SAC3D1: variants seen among roughly 807,000 people sequenced by gnomAD.
The protein encoded by SAC3D1 is SAC3 domain containing 1.
In SAC3D1, 10 loss-of-function variants were observed where a neutral mutation model predicts 12.7. The ratio of observed to expected loss-of-function variants is 0.79; its 90% CI spans 0.49 to 1.34. The LOEUF is 1.34. SAC3D1 is among the 40% of genes most tolerant of loss of function. The pLI is 0.00. For synonymous variants in SAC3D1, 241 were observed against 250.8 expected, an observed-to-expected ratio of 0.96 and a Z score of 0.37; for missense variants, 482 against 531.1, an observed-to-expected ratio of 0.91 and a Z score of 0.91.
chr11:65,043,274 C>G (rs558815891), intron 1 of SAC3D1: 1 of 187,682 alleles, frequency 5.3e-6, no homozygotes, highest in South Asian at 6.8e-5. Context: ...CCATGATTTT[C>G]TTTTCTTTTA....
Position 65,041,665 on chromosome 11 carries a change from G to T in SAC3D1, c.373G>T (p.Val125Leu), listed in dbSNP as rs1946605222. 1.4e-6 allele frequency: 2 copies of T among 1,414,322 alleles called. No individual in the cohort carries two copies. Among genetic ancestry groups the T allele is most frequent in the African/African-American group, 3.0e-5 (2 of 66,900 alleles). The allele number at this position is 1,414,322 out of a possible 1,614,324, so 87.6% of individuals were successfully genotyped here. Residue 125 changes from valine (V) to leucine (L), a missense_variant, in exon 1 of 2, where the codon GTG (valine) becomes TTG (leucine). Val to Leu is a conservative substitution (Grantham distance 32). Coordinates refer to ENST00000652489, the MANE Select transcript of SAC3D1 (RefSeq NM_013299.4). ...QGAGDAEAAV[V>L]LEAALATLLT... ...AGCGGGCGACGCCGAGGCAGCTGTG[G>T]TGCTGGAGGCGGCGCTGGCCACGCT...
At chr11:65,042,009 T>C in intron 1 of SAC3D1, 143 bp downstream of exon 1, 3 of 1,145,820 alleles carry the variant, frequency 2.6e-6, no homozygotes, top group Non-Finnish European at 3.3e-6. Flanking sequence ...AGCCCCGACG[T>C]GGGACCTCGG....
rs1294466082 is a variant in SAC3D1 at position 65,041,346 on chromosome 11, C to T, written c.54C>T (p.Ala18=). Residue 18 remains alanine (A), a synonymous_variant, in exon 1 of 2, where the codon GCC becomes GCT. Coordinates refer to ENST00000652489, the MANE Select transcript of SAC3D1 (RefSeq NM_013299.4). ...VGTCPDMCPA[A]ERAQREREHR... The stretch of plus-strand genomic sequence containing the variant: ...CCTGCCCGGACATGTGCCCGGCCGC[C>T]GAGCGCGCCCAGCGCGAAAGGGAGC... 1 of 1,509,518 alleles carries T rather than the reference C, an allele frequency of 6.6e-7. No homozygotes were observed. Among genetic ancestry groups the T allele is most frequent in the Admixed American group, 2.0e-5 (1 of 48,882 alleles). 93.5% of individuals were successfully genotyped at this position (1,509,518 alleles called of 1,614,324 possible). A position where few individuals can be genotyped will look rare whatever the true frequency, so the allele number is the denominator to read the frequency against.
Position 65,044,161 on chromosome 11 carries a change from GA to G in SAC3D1, c.575-63del, listed in dbSNP as rs1946665569. 1 of 1,556,236 alleles carries G rather than the reference GA, an allele frequency of 6.4e-7. No homozygotes were observed. Among genetic ancestry groups the G allele is most frequent in the African/African-American group, 1.4e-5 (1 of 73,692 alleles). On this transcript the variant is annotated intron_variant, in intron 1 of 1. Coordinates refer to ENST00000652489, the MANE Select transcript of SAC3D1 (RefSeq NM_013299.4). The surrounding 1 kb of genome is among the most constrained non-coding windows in gnomAD (Gnocchi z 4.0). ...GGAGAGAGGAAGGACAGGGTGTTGG[GA>G]GGGGAGATGAGCCTGATCCTGTAAG...
Position 65,044,314 on chromosome 11 carries a change from G to A in SAC3D1, c.664G>A (p.Ala222Thr). The change falls in exon 2 of 2, where the codon GCC becomes ACC. Residue 222 changes from alanine to threonine, a missense_variant. Transcript: ENST00000652489. The surrounding 1 kb of genome is among the most constrained non-coding windows in gnomAD (Gnocchi z 4.0). ...PLRKALAVDA[A>T]FREGNAARLF... ...CCGCAAGGCCTTGGCGGTAGATGCT[G>A]CCTTCCGAGAGGGCAATGCTGCCCG... is the stretch of plus-strand genomic sequence containing the variant. The A allele has an allele frequency of 6.2e-7, 1 of 1,613,338 alleles. No homozygotes were observed. The highest frequency in any genetic ancestry group is 8.5e-7 in the Non-Finnish European group (1 of 1,180,018).
rs964789896 is a variant in SAC3D1 at position 65,041,262 on chromosome 11, T to C, written c.-31T>C. ...CGCAGCACTGCCGTCCCCGGGATGC[T>C]GAGCGCCCACCGTCTCCCCGCAGCC... On this transcript the variant is annotated 5_prime_UTR_variant, in exon 1 of 2. Coordinates refer to ENST00000652489, the MANE Select transcript of SAC3D1 (RefSeq NM_013299.4). 3.4e-5 allele frequency: 51 copies of C among 1,486,224 alleles called. 1 individual carries two copies. The highest frequency in any genetic ancestry group is 4.6e-4 in the Middle Eastern group (2 of 4,340). 92.1% of individuals were successfully genotyped at this position (1,486,224 alleles called of 1,614,324 possible).
In SAC3D1 at chr11:65,041,415, C is replaced by CCCGCCCCGCGCGGAT. The variant is rs1355334021; in HGVS notation, c.128_142dup (p.Pro43_Pro47dup). The CCCGCCCCGCGCGGAT allele has an allele frequency of 2.6e-5, 39 of 1,505,708 alleles. No homozygotes were observed. Among genetic ancestry groups the CCCGCCCCGCGCGGAT allele is most frequent in the East Asian group, 1.1e-4 (4 of 37,680 alleles). The allele number at this position is 1,505,708 out of a possible 1,614,324, so 93.3% of individuals were successfully genotyped here. ...AGGTGGTGCCGGGTTGCCGCCAGGACCCGCCCCGCGCGGATCCGCAGCGCG... is the reference window on the plus strand; with the variant it reads ...AGGTGGTGCCGGGTTGCCGCCAGGACCCGCCCCGCGCGGATCCGCCCCGCGCGGATCCGCAGCGCG... On this transcript the variant is annotated inframe_insertion, in exon 1 of 2. Transcript: ENST00000652489.
rs1247533776 is a variant in SAC3D1, at chr11:65,044,333, C to A, written c.683C>A (p.Ala228Asp). Residue 228 changes from alanine (A) to aspartate (D), a missense_variant, in exon 2 of 2, where the codon GCT becomes GAT. Ala to Asp is a moderately radical substitution (Grantham distance 126, BLOSUM62 -2). This residue lies in a region of SAC3D1 where 225 missense variants were observed against 241.1 expected (regional missense o/e 0.93). Coordinates refer to ENST00000652489, the MANE Select transcript of SAC3D1 (RefSeq NM_013299.4). The surrounding 1 kb of genome is among the most constrained non-coding windows in gnomAD (Gnocchi z 4.0). ...GATGCTGCCTTCCGAGAGGGCAATG[C>A]TGCCCGCCTGTTCCGTCTGCTCCAG... ...AVDAAFREGN[A>D]ARLFRLLQTL... 6.2e-7 allele frequency: 1 copy of A among 1,613,260 alleles called. No homozygotes were observed. The highest frequency in any genetic ancestry group is 2.2e-5 in the East Asian group (1 of 44,892).
In SAC3D1 at chr11:65,041,727, G is replaced by T; in HGVS notation, c.435G>T (p.Ala145=). ...TVVARLGPDA[A]RGPADPVLLQ... is the part of the protein sequence containing the mutation. The stretch of plus-strand genomic sequence containing the variant: ...TGGCGCGGCTCGGGCCCGACGCGGC[G>T]CGGGGACCCGCGGACCCGGTGCTGC... Residue 145 remains alanine (A), a synonymous_variant, in exon 1 of 2, where the codon GCG becomes GCT. Coordinates refer to ENST00000652489, the MANE Select transcript of SAC3D1 (RefSeq NM_013299.4). The T allele has an allele frequency of 2.3e-6, 3 of 1,306,338 alleles. No homozygotes were observed. Among genetic ancestry groups the T allele is most frequent in the Non-Finnish European group, 2.9e-6 (3 of 1,034,870 alleles). The allele number at this position is 1,306,338 out of a possible 1,614,324, so 80.9% of individuals were successfully genotyped here. A position where few individuals can be genotyped will look rare whatever the true frequency, so the allele number is the denominator to read the frequency against.
chr11:65,044,460 C>T lies in SAC3D1; in HGVS notation c.810C>T (p.Gly270=), dbSNP rs1946674439. 6.2e-7 allele frequency: 1 copy of T among 1,613,862 alleles called. No individual in the cohort carries two copies. Among genetic ancestry groups the T allele is most frequent in the Non-Finnish European group, 8.5e-7 (1 of 1,180,036 alleles). Residue 270 remains glycine (G), a synonymous_variant, in exon 2 of 2, where the codon GGC becomes GGT. Transcript: ENST00000652489. The surrounding 1 kb of genome is among the most constrained non-coding windows in gnomAD (Gnocchi z 4.0). ...CTCGTGCCTTTAGCACCCCCAAGGG[C>T]CAGACCTTGCCTCTGGGCTTCATGG... ...RFARAFSTPK[G]QTLPLGFMVN...
In SAC3D1 at chr11:65,044,155, T is replaced by A; in HGVS notation, c.575-70T>A. 1 of 1,528,198 alleles carries A rather than the reference T, an allele frequency of 6.5e-7. No individual in the cohort carries two copies. The highest frequency in any genetic ancestry group is 8.9e-7 in the Non-Finnish European group (1 of 1,121,446). The allele number at this position is 1,528,198 out of a possible 1,614,324, so 94.7% of individuals were successfully genotyped here. On this transcript the variant is annotated intron_variant, in intron 1 of 1. Coordinates refer to ENST00000652489, the MANE Select transcript of SAC3D1 (RefSeq NM_013299.4). The surrounding 1 kb of genome is among the most constrained non-coding windows in gnomAD (Gnocchi z 4.0). ...GGTCGAGGAGAGAGGAAGGACAGGG[T>A]GTTGGGAGGGGAGATGAGCCTGATC...
chr11:65,043,112 A>C (rs1259143945), intron 1 of SAC3D1: 1 of 443,620 alleles, frequency 2.3e-6, no homozygotes, highest in Non-Finnish European at 4.5e-6. Flanking sequence ...TGTGGCCATC[A>C]TGCCCAGTGA....
chr11:65,044,551 T>A lies in SAC3D1; in HGVS notation c.901T>A (p.Leu301Met). The A allele has an allele frequency of 6.2e-7, 1 of 1,614,100 alleles. No homozygotes were observed. Among genetic ancestry groups the A allele is most frequent in the South Asian group, 1.1e-5 (1 of 91,088 alleles). The change falls in exon 2 of 2, where the codon TTG becomes ATG. Residue 301 changes from leucine to methionine, a missense_variant. Leu to Met is a conservative substitution (Grantham distance 15, BLOSUM62 2). Transcript: ENST00000652489. This position sits in a 1 kb window ranked among gnomAD's most constrained non-coding sequence, Gnocchi z 4.0. ...RDLCQAHGLPLDGEERVVFLR... is the reference protein window; with the variant it reads ...RDLCQAHGLPMDGEERVVFLR... Reference sequence around the variant, plus strand: ...CCTGTGCCAGGCCCACGGGCTGCCCTTGGACGGAGAGGAGAGAGTTGTGTT... The same window carrying A: ...CCTGTGCCAGGCCCACGGGCTGCCCATGGACGGAGAGGAGAGAGTTGTGTT...
rs777164681 is a variant in SAC3D1, at chr11:65,044,238, C to T, written c.588C>T (p.Ala196=). ...FLLYNLGSVE[A]LHEVLQLPAA... is the part of the protein sequence containing the mutation. ...CCGCTCTCACAGGCTCGGTGGAAGC[C>T]CTGCATGAGGTTCTACAGCTGCCTG... is the stretch of plus-strand genomic sequence containing the variant. The change falls in exon 2 of 2, where the codon GCC becomes GCT. Residue 196 remains alanine (A), a synonymous_variant. Coordinates refer to ENST00000652489, the MANE Select transcript of SAC3D1 (RefSeq NM_013299.4). The surrounding 1 kb of genome is among the most constrained non-coding windows in gnomAD (Gnocchi z 4.0). The T allele has an allele frequency of 1.2e-6, 2 of 1,612,672 alleles. No individual in the cohort carries two copies. Among genetic ancestry groups the T allele is most frequent in the Admixed American group, 1.7e-5 (1 of 60,012 alleles).
chr11:65,044,271 G>A lies in SAC3D1; in HGVS notation c.621G>A (p.Leu207=). The change falls in exon 2 of 2, where the codon CTG becomes CTA. Residue 207 remains leucine (L), a synonymous_variant. Transcript: ENST00000652489. The surrounding 1 kb of genome is among the most constrained non-coding windows in gnomAD (Gnocchi z 4.0). ...LHEVLQLPAA[L]RACPPLRKAL... ...AGGTTCTACAGCTGCCTGCTGCCCT[G>A]CGCGCCTGCCCGCCCCTCCGCAAGG... 6.2e-7 allele frequency: 1 copy of A among 1,613,134 alleles called. No individual in the cohort carries two copies. Among genetic ancestry groups the A allele is most frequent in the Non-Finnish European group, 8.5e-7 (1 of 1,180,008 alleles).
At position 65,044,343 on chromosome 11, in the gene SAC3D1, G is replaced by C; in HGVS notation, c.693G>C (p.Leu231=). Residue 231 remains leucine (L), a synonymous_variant, in exon 2 of 2, where the codon CTG becomes CTC. Coordinates refer to ENST00000652489, the MANE Select transcript of SAC3D1 (RefSeq NM_013299.4). The surrounding 1 kb of genome is among the most constrained non-coding windows in gnomAD (Gnocchi z 4.0). The part of the protein sequence containing the change: ...AAFREGNAAR[L]FRLLQTLPYL... ...TCCGAGAGGGCAATGCTGCCCGCCT[G>C]TTCCGTCTGCTCCAGACCCTGCCCT... is the stretch of plus-strand genomic sequence containing the variant. The C allele has an allele frequency of 6.2e-7, 1 of 1,613,436 alleles. No individual in the cohort carries two copies. The highest frequency in any genetic ancestry group is 8.5e-7 in the Non-Finnish European group (1 of 1,180,028).
rs754422546 is a variant in SAC3D1 at position 65,041,634 on chromosome 11, G to A, written c.342G>A (p.Leu114=). ...RLRAVLLDLA[L]QGAGDAEAAV... Reference sequence around the variant, plus strand: ...GAGCTGTGCTCCTGGACCTGGCGCTGCAGGGAGCGGGCGACGCCGAGGCAG... The same window carrying A: ...GAGCTGTGCTCCTGGACCTGGCGCTACAGGGAGCGGGCGACGCCGAGGCAG... The change falls in exon 1 of 2, where the codon CTG becomes CTA. Residue 114 remains leucine, a synonymous_variant. Transcript: ENST00000652489. The A allele has an allele frequency of 6.9e-7, 1 of 1,450,700 alleles. No individual in the cohort carries two copies. Among genetic ancestry groups the A allele is most frequent in the Non-Finnish European group, 9.0e-7 (1 of 1,105,052 alleles). The allele number at this position is 1,450,700 out of a possible 1,614,324, so 89.9% of individuals were successfully genotyped here. A position where few individuals can be genotyped will look rare whatever the true frequency, so the allele number is the denominator to read the frequency against.
Position 65,044,478 on chromosome 11 carries a change from C to A in SAC3D1, c.828C>A (p.Gly276=). The A allele has an allele frequency of 6.2e-7, 1 of 1,614,092 alleles. No homozygotes were observed. The highest frequency in any genetic ancestry group is 8.5e-7 in the Non-Finnish European group (1 of 1,180,048). Reference sequence around the variant, plus strand: ...CCAAGGGCCAGACCTTGCCTCTGGGCTTCATGGTCAACCTCTTGGCCCTGG... The same window carrying A: ...CCAAGGGCCAGACCTTGCCTCTGGGATTCATGGTCAACCTCTTGGCCCTGG... ...STPKGQTLPL[G]FMVNLLALDG... is the part of the protein sequence containing the mutation. Residue 276 remains glycine (G), a synonymous_variant, in exon 2 of 2, where the codon GGC becomes GGA. Coordinates refer to ENST00000652489, the MANE Select transcript of SAC3D1 (RefSeq NM_013299.4). This position sits in a 1 kb window ranked among gnomAD's most constrained non-coding sequence, Gnocchi z 4.0.
upstream of SAC3D1, chr11:65,041,177 A>T: frequency 9.8e-7 from 1 of 1,019,126 alleles, no homozygotes; most frequent in Non-Finnish European, 1.4e-6. Flanking sequence ...GGGCCCAGAC[A>T]GGTTCAGCCC....
Sources: gnomAD v4.1 joint callset for allele counts on GRCh38, gnomAD v4.1.1 for gene constraint, gnomAD v4.1.1 regional missense constraint, Gnocchi (gnomAD v3.1) non-coding constraint, MANE v1.5 for transcripts, NCBI Gene and HGNC (gene_info 2026-07-23, HGNC 2026-07-21) for gene names.